The following CDH12 variants were observed in gnomAD, a reference collection of about 807,000 sequenced individuals.
The protein encoded by CDH12 is cadherin 12.
In CDH12, 41 loss-of-function variants were observed where a neutral mutation model predicts 74.1. The observed-to-expected ratio is 0.55, with a 90% CI of 0.43 to 0.72. The LOEUF (loss-of-function observed/expected upper bound fraction) is 0.72, where lower values mean the gene tolerates loss of function less well. CDH12 is among the 30% of genes least tolerant of loss of function. CDH12 has a pLI of 0.00. For missense variants in CDH12, 945 were observed against 977.2 expected (o/e 0.97, Z 0.44); for synonymous variants, 399 against 355.0 (o/e 1.12, Z -1.39).
intron 2 of CDH12, among the ~76,000 whole-genome samples, chr5:22,466,946 G>A (rs1004979641): frequency 1.3e-5 from 2 of 151,470 alleles, no homozygotes; most frequent in African/African-American, 4.9e-5. Context: ...GTGCCGCCAA[G>A]GCCTGCTAAT....
chr5:22,127,409 G>A (rs533430740), intron 4 of CDH12, among the ~76,000 whole-genome samples: 115 of 151,634 alleles, frequency 7.6e-4, no homozygotes, highest in Non-Finnish European at 1.0e-3. Context: ...CCTGGGAGGC[G>A]GAGGTTGCAG....
chr5:22,801,889 A>C (rs1050095588), intron 1 of CDH12, among the ~76,000 whole-genome samples: 4 of 151,146 alleles, frequency 2.6e-5, no homozygotes, highest in Non-Finnish European at 3.0e-5. Context: ...ATTGTTATTC[A>C]TTTACTCTAT....
At chr5:22,544,358 C>T (rs1197402437) in intron 1 of CDH12, among the ~76,000 whole-genome samples, 2 of 152,118 alleles carry the variant, frequency 1.3e-5, no homozygotes, top group Non-Finnish European at 2.9e-5. Context: ...TGTCCACTAA[C>T]TTCATAGAGT....
At chr5:21,914,142 A>C (rs1411228920) in intron 6 of CDH12, among the ~76,000 whole-genome samples, 1 of 152,168 alleles carries the variant, frequency 6.6e-6, no homozygotes, top group African/African-American at 2.4e-5. Flanking sequence ...AGACACTATC[A>C]ATACTTTATA....
chr5:22,061,081 C>T lies in CDH12; in HGVS notation c.231+17365G>A, dbSNP rs983140784. On this transcript the variant is annotated intron_variant, in intron 5 of 14. Coordinates refer to ENST00000382254, the MANE Select transcript of CDH12 (RefSeq NM_004061.5). ...GAAGACAAATAGTTCTTGACATTGA[C>T]ATAAAACAACAAAATGCAACAGCAC... is the stretch of plus-strand genomic sequence containing the variant. Among the ~76,000 whole-genome samples the T allele has an allele frequency of 2.6e-5, 4 of 152,126 alleles. No homozygotes were observed. The East Asian group carries it at 7.7e-4, about 29-fold the overall frequency.
intron 2 of CDH12, among the ~76,000 whole-genome samples, chr5:22,478,805 T>A (rs981189208): frequency 6.6e-6 from 1 of 152,142 alleles, no homozygotes; most frequent in African/African-American, 2.4e-5. Context: ...CTTGGTGTTA[T>A]TTTTTTGTTT....
intron 1 of CDH12, among the ~76,000 whole-genome samples, chr5:22,750,789 A>G (rs1320779924): frequency 6.6e-6 from 1 of 152,184 alleles, no homozygotes; most frequent in Admixed American, 6.5e-5. Context: ...AATACCTGCA[A>G]GATACTAAGA....
chr5:22,115,920 G>C (rs1745071305), intron 4 of CDH12, among the ~76,000 whole-genome samples: 1 of 151,976 alleles, frequency 6.6e-6, no homozygotes, highest in African/African-American at 2.4e-5. Flanking sequence ...TCGATCTCTT[G>C]ACCTTGTGAT....
chr5:22,486,271 T>C (rs1012322939), intron 2 of CDH12, among the ~76,000 whole-genome samples: 6 of 152,140 alleles, frequency 3.9e-5, no homozygotes. Context: ...CAGAACATTG[T>C]GGTCCTAGAT....
At chr5:21,985,996 T>A (rs1485377431) in intron 5 of CDH12, among the ~76,000 whole-genome samples, 5 of 152,130 alleles carry the variant, frequency 3.3e-5, no homozygotes, top group African/African-American at 1.2e-4. Context: ...CCTAGTTTAA[T>A]TGTTGCTATA....
At chr5:22,262,129 T>C (rs1753537660) in intron 3 of CDH12, among the ~76,000 whole-genome samples, 1 of 152,084 alleles carries the variant, frequency 6.6e-6, no homozygotes, top group Non-Finnish European at 1.5e-5. Flanking sequence ...TTTCTTTTTT[T>C]TTTTATACTT....
At chr5:22,415,693 C>T (rs186172049) in intron 2 of CDH12, among the ~76,000 whole-genome samples, 3 of 152,204 alleles carry the variant, frequency 2.0e-5, no homozygotes, top group East Asian at 3.9e-4. Context: ...AGTCTGAGAG[C>T]AATCAAAGTA....
At chr5:22,108,143 C>T (rs1030990128) in intron 4 of CDH12, among the ~76,000 whole-genome samples, 1 of 152,148 alleles carries the variant, frequency 6.6e-6, no homozygotes, top group Admixed American at 6.6e-5. Flanking sequence ...ATAACTGAAT[C>T]ATAGGGGCAA....
chr5:21,770,727 T>A (rs1455939324), intron 11 of CDH12, among the ~76,000 whole-genome samples: 1 of 152,098 alleles, frequency 6.6e-6, no homozygotes, highest in African/African-American at 2.4e-5. Context: ...GCCAATAGAA[T>A]ATAAATTGTT....
chr5:22,537,931 C>T (rs1737929418), intron 1 of CDH12, among the ~76,000 whole-genome samples: 1 of 152,144 alleles, frequency 6.6e-6, no homozygotes, highest in Non-Finnish European at 1.5e-5. Flanking sequence ...CAGAGTTTTC[C>T]AACCTGGGCA....
chr5:22,202,876 TTCTC>T (rs1751001715), intron 4 of CDH12, among the ~76,000 whole-genome samples: 2 of 152,246 alleles, frequency 1.3e-5, no homozygotes, highest in Non-Finnish European at 1.5e-5. Flanking sequence ...GTAAGTGACT[TTCTC>T]TCCCTTCAAC....
intron 6 of CDH12, among the ~76,000 whole-genome samples, chr5:21,950,799 A>ATTATTG (rs1755825371): frequency 7.1e-6 from 1 of 140,666 alleles, no homozygotes; most frequent in Non-Finnish European, 1.5e-5. Context: ...TATTATTATT[A>ATTATTG]TTTTGAGACA....
At chr5:22,469,846 A>G (rs1745885145) in intron 2 of CDH12, among the ~76,000 whole-genome samples, 1 of 152,200 alleles carries the variant, frequency 6.6e-6, no homozygotes, top group Admixed American at 6.5e-5. Flanking sequence ...GAAACACAAA[A>G]GTCCTTACTG....
intron 3 of CDH12, among the ~76,000 whole-genome samples, chr5:22,346,252 C>A (rs1367553653): frequency 6.6e-6 from 1 of 152,096 alleles, no homozygotes; most frequent in Non-Finnish European, 1.5e-5. Flanking sequence ...AAATTACCAT[C>A]AATTTTAAAT....
Sources: allele counts gnomAD v4.1 joint callset (sites outside exome capture counted in the v4.1 genomes callset), GRCh38; gene constraint gnomAD v4.1.1; transcripts MANE v1.5; gene names NCBI Gene and HGNC (gene_info 2026-07-23, HGNC 2026-07-21).